QSOX1: variants seen among roughly 807,000 people sequenced by gnomAD.
QSOX1 encodes sulfhydryl oxidase 1.
QSOX1 carries 40 observed loss-of-function variants against 76.1 expected under a neutral mutation model. The observed-to-expected ratio is 0.53, with a 90% confidence interval of 0.41 to 0.68. The LOEUF is 0.68. Ranked by LOEUF, QSOX1 falls within the 30% of genes least tolerant of loss-of-function variation. QSOX1 has a pLI of 0.00. For synonymous variants in QSOX1, 392 were observed against 413.1 expected (o/e 0.95, Z 0.62); for missense variants, 931 against 974.3 (o/e 0.96, Z 0.59).
intron 6 of QSOX1, 92 bp from the exon 7 acceptor site, chr1:180,183,824 T>C (rs1252586352): frequency 1.5e-6 from 2 of 1,375,334 alleles, no homozygotes; most frequent in South Asian, 1.4e-5. Context: ...TCCTGTCCGA[T>C]GAGCCACCCT....
Position 180,154,954 on chromosome 1 carries a change from T to TGCTGCTGCTGTG in QSOX1, c.54_65dup (p.Leu19_Leu22dup), listed in dbSNP as rs768871271. 9.4e-6 allele frequency: 14 copies of TGCTGCTGCTGTG among 1,497,280 alleles called. No homozygotes were observed. In the South Asian group the frequency reaches 1.7e-4, roughly 19 times the overall value. The allele number at this position is 1,497,280 out of a possible 1,614,324, so 92.7% of individuals were successfully genotyped here. A position where few individuals can be genotyped will look rare whatever the true frequency, so the allele number is the denominator to read the frequency against. On this transcript the variant is annotated inframe_insertion, in exon 1 of 12. Coordinates refer to ENST00000367602, the MANE Select transcript of QSOX1 (RefSeq NM_002826.5). ...TCCGGGCCGCCGCCGTCGCTGCTGC[T>TGCTGCTGCTGTG]GCTGCTGCTGTGGCTGCTCGCGGTT...
intron 2 of QSOX1, among the ~76,000 whole-genome samples, chr1:180,168,509 T>G (rs1662686467): frequency 6.6e-6 from 1 of 152,252 alleles, no homozygotes; most frequent in Admixed American, 6.5e-5. Context: ...TGAGGTCCTA[T>G]GCAGCGGCTC....
chr1:180,160,000 C>T (rs747015565), intron 1 of QSOX1, among the ~76,000 whole-genome samples: 3 of 152,116 alleles, frequency 2.0e-5, no homozygotes, highest in Non-Finnish European at 2.9e-5. Context: ...CATTATCATG[C>T]GTTTCTTGGA....
rs1663629215 is a variant in QSOX1 at position 180,201,162 on chromosome 1, G to A, written c.*4125G>A. 1 of 152,160 alleles carries A rather than the reference G, an allele frequency of 6.6e-6. No individual in the cohort carries two copies. The highest frequency in any genetic ancestry group is 1.5e-5 in the Non-Finnish European group (1 of 68,022). 9.4% of individuals were successfully genotyped at this position (152,160 alleles called of 1,614,324 possible). ...TGCTAAATTCCTCTCCCTCTTCCTGGGATTCCCATCCATGTATTGCCAGCT... is the reference window on the plus strand; with the variant it reads ...TGCTAAATTCCTCTCCCTCTTCCTGAGATTCCCATCCATGTATTGCCAGCT... On this transcript the variant is annotated 3_prime_UTR_variant, in exon 12 of 12. Transcript: ENST00000367602.
Position 180,182,335 on chromosome 1 carries a change from C to G in QSOX1, c.752+16C>G. The stretch of plus-strand genomic sequence containing the variant: ...GAGTCCCCGTGTGAGTATCCTGTCT[C>G]CTGGCGTCCCCTCTCGTCCCTCCCT... On this transcript the variant is annotated intron_variant, in intron 6 of 11. Coordinates refer to ENST00000367602, the MANE Select transcript of QSOX1 (RefSeq NM_002826.5). 1 of 1,614,006 alleles carries G rather than the reference C, an allele frequency of 6.2e-7. No individual in the cohort carries two copies. The highest frequency in any genetic ancestry group is 8.5e-7 in the Non-Finnish European group (1 of 1,179,900).
At position 180,201,602 on chromosome 1, in the gene QSOX1, C is replaced by T. The variant is rs1201268035; in HGVS notation, c.*4565C>T. Reference sequence around the variant, plus strand: ...CTTCATACCTGACTCCTTGTCCCTCCTCAGGCATGCTGTTGTGCAGGACAG... The same window carrying T: ...CTTCATACCTGACTCCTTGTCCCTCTTCAGGCATGCTGTTGTGCAGGACAG... On this transcript the variant is annotated 3_prime_UTR_variant, in exon 12 of 12. Coordinates refer to ENST00000367602, the MANE Select transcript of QSOX1 (RefSeq NM_002826.5). 1 of 152,350 alleles carries T rather than the reference C, an allele frequency of 6.6e-6. No individual in the cohort carries two copies. Among genetic ancestry groups the T allele is most frequent in the East Asian group, 1.9e-4 (1 of 5,200 alleles). 9.4% of individuals were successfully genotyped at this position (152,350 alleles called of 1,614,324 possible). A position where few individuals can be genotyped will look rare whatever the true frequency, so the allele number is the denominator to read the frequency against.
At chr1:180,191,999 T>C (rs1297938482) in intron 10 of QSOX1, among the ~76,000 whole-genome samples, 5 of 152,052 alleles carry the variant, frequency 3.3e-5, no homozygotes, top group Non-Finnish European at 7.4e-5. Flanking sequence ...CATGTCCAAA[T>C]TTCCTCTTCC....
At chr1:180,185,433 C>A (rs933689203) in intron 7 of QSOX1, among the ~76,000 whole-genome samples, 3 of 152,210 alleles carry the variant, frequency 2.0e-5, no homozygotes, top group Non-Finnish European at 4.4e-5. Context: ...CTGGGGCCAG[C>A]ATGGAGCCTC....
chr1:180,178,991 T>TAAAAGACCCAGGCAG, intron 5 of QSOX1, 107 bp downstream of exon 5: 1 of 998,908 alleles, frequency 1.0e-6, no homozygotes, highest in Non-Finnish European at 1.6e-6. Context: ...GCTGCCTGGG[T>TAAAAGACCCAGGCAG]CTTTTAGCCT....
At chr1:180,174,619 CA>C (rs1374284466) in intron 2 of QSOX1, among the ~76,000 whole-genome samples, 1 of 152,212 alleles carries the variant, frequency 6.6e-6, no homozygotes, top group African/African-American at 2.4e-5. Flanking sequence ...TTCATGTTTT[CA>C]GATGAGTCTG....
chr1:180,161,082 AAGTGGGAGGC>A (rs1662484298), intron 1 of QSOX1, among the ~76,000 whole-genome samples: 1 of 152,168 alleles, frequency 6.6e-6, no homozygotes, highest in Non-Finnish European at 1.5e-5. Flanking sequence ...TAATCAGGGT[AAGTGGGAGGC>A]AGAGGTCACA....
At chr1:180,165,005 G>A (rs192528318) in intron 1 of QSOX1, among the ~76,000 whole-genome samples, 2 of 152,070 alleles carry the variant, frequency 1.3e-5, no homozygotes, top group Admixed American at 1.3e-4. Flanking sequence ...GTTATCAAGG[G>A]GGCAGTGCCG....
At chr1:180,195,075 CG>C (rs1663436226) in intron 11 of QSOX1, among the ~76,000 whole-genome samples, 1 of 151,866 alleles carries the variant, frequency 6.6e-6, no homozygotes, top group Non-Finnish European at 1.5e-5. Flanking sequence ...TGCACTTGGT[CG>C]TGGTCTCCTG....
intron 10 of QSOX1, among the ~76,000 whole-genome samples, chr1:180,192,115 G>C (rs1294778314): frequency 6.6e-6 from 1 of 152,170 alleles, no homozygotes; most frequent in Non-Finnish European, 1.5e-5. Context: ...CATTCTGAGA[G>C]GCTGGGGATT....
chr1:180,196,840 G>A lies in QSOX1; in HGVS notation c.2047G>A (p.Glu683Lys), dbSNP rs1451124969. The A allele has an allele frequency of 2.5e-6, 4 of 1,607,590 alleles. No homozygotes were observed. In the African/African-American group the frequency reaches 4.0e-5, roughly 16 times the overall value. Residue 683 changes from glutamate to lysine, a missense_variant, in exon 12 of 12, where the codon GAG becomes AAG. Coordinates refer to ENST00000367602, the MANE Select transcript of QSOX1 (RefSeq NM_002826.5). The surrounding 1 kb of genome is among the most constrained non-coding windows in gnomAD (Gnocchi z 4.1). ...CTCCAAGCAGCTGGTCGACATCCCT[G>A]AGGGCCAGCTGGAGGCCCGAGCTGG... Reference protein sequence around the residue: ...RSSKQLVDIPEGQLEARAGRG... With the variant: ...RSSKQLVDIPKGQLEARAGRG...
chr1:180,170,966 G>A (rs3753801), intron 2 of QSOX1, among the ~76,000 whole-genome samples: 103,907 of 151,716 alleles, frequency 0.68, 37,247 homozygotes, highest in East Asian at 0.83. Flanking sequence ...AGTGGCGGGA[G>A]TGGAGGGCAA....
At chr1:180,187,917 G>T (rs1663214275) in intron 8 of QSOX1, among the ~76,000 whole-genome samples, 1 of 152,216 alleles carries the variant, frequency 6.6e-6, no homozygotes, top group Non-Finnish European at 1.5e-5. Flanking sequence ...CCTTGCTTGG[G>T]TAGCTTCTTC....
At chr1:180,190,729 T>A in intron 10 of QSOX1, 149 bp downstream of exon 10, 1 of 1,010,816 alleles carries the variant, frequency 9.9e-7, no homozygotes, top group Non-Finnish European at 1.4e-6. Flanking sequence ...GGGCTCTGGC[T>A]GGATTGCTCT....
At chr1:180,194,619 C>T (rs1337044701) in intron 11 of QSOX1, among the ~76,000 whole-genome samples, 1 of 152,230 alleles carries the variant, frequency 6.6e-6, no homozygotes, top group South Asian at 2.1e-4. Context: ...CTCACTTTTT[C>T]CCTGCTCTAG....
Sources: allele counts gnomAD v4.1 joint callset (sites outside exome capture counted in the v4.1 genomes callset), GRCh38; gene constraint gnomAD v4.1.1; non-coding constraint Gnocchi (gnomAD v3.1); transcripts MANE v1.5; gene names NCBI Gene and HGNC (gene_info 2026-07-23, HGNC 2026-07-21).